The following NUP133 variants were observed in gnomAD, a reference collection of about 807,000 sequenced individuals.
The protein encoded by NUP133 is nucleoporin 133, also known as nuclear pore complex protein Nup133.
In NUP133, 66 loss-of-function variants were observed where a neutral mutation model predicts 146.2. The observed-to-expected ratio is 0.45, with a 90% CI of 0.37 to 0.55. The LOEUF (loss-of-function observed/expected upper bound fraction) is 0.55. NUP133 is among the 20% of genes least tolerant of loss of function. NUP133 has a pLI of 0.00. For synonymous variants in NUP133, 521 were observed against 498.8 expected, an observed-to-expected ratio of 1.04 and a Z score of -0.59; for missense variants, 1,277 against 1,374.8, an observed-to-expected ratio of 0.93 and a Z score of 1.12.
At chr1:229,462,421 TTG>T (rs1660713283) in intron 19 of NUP133, among the ~76,000 whole-genome samples, 1 of 152,224 alleles carries the variant, frequency 6.6e-6, no homozygotes, top group African/African-American at 2.4e-5. Flanking sequence ...TTTTTATCTT[TTG>T]TGTTTATAGT....
At position 229,440,837 on chromosome 1, in the gene NUP133, C is replaced by T. The variant is rs960426073; in HGVS notation, c.*1067G>A. The T allele has an allele frequency of 6.6e-6, 1 of 152,580 alleles. No individual in the cohort carries two copies. Among genetic ancestry groups the T allele is most frequent in the Admixed American group, 6.5e-5 (1 of 15,332 alleles). 9.5% of individuals were successfully genotyped at this position (152,580 alleles called of 1,614,324 possible). ...TCTTCCAAACATACTCAAGGGCTGGCCTTGCAGCCTGCGGGGGAGACGGCC... is the reference window on the plus strand; with the variant it reads ...TCTTCCAAACATACTCAAGGGCTGGTCTTGCAGCCTGCGGGGGAGACGGCC... On this transcript the variant is annotated 3_prime_UTR_variant, in exon 26 of 26. Coordinates refer to ENST00000261396, the MANE Select transcript of NUP133 (RefSeq NM_018230.3).
Position 229,506,138 on chromosome 1 carries a change from A to C in NUP133, c.203T>G (p.Phe68Cys). ...LSSRGTPTRM[F>C]PHHSITESVN... ...AGACTCAGTTATGGAGTGGTGTGGG[A>C]ACATTCGTGTTGGTGTTCCCCTAAA... Residue 68 changes from phenylalanine (F) to cysteine (C), a missense_variant, in exon 2 of 26, where the codon TTC becomes TGC. Phe to Cys is a radical substitution (Grantham distance 205). Coordinates refer to ENST00000261396, the MANE Select transcript of NUP133 (RefSeq NM_018230.3). 1 of 1,610,368 alleles carries C rather than the reference A, an allele frequency of 6.2e-7. No individual in the cohort carries two copies. Among genetic ancestry groups the C allele is most frequent in the Non-Finnish European group, 8.5e-7 (1 of 1,177,036 alleles).
At position 229,495,987 on chromosome 1, in the gene NUP133, T is replaced by C. The variant is rs11805194; in HGVS notation, c.880A>G (p.Ile294Val). The change falls in exon 7 of 26, where the codon ATC becomes GTC. Residue 294 changes from isoleucine (I) to valine (V), a missense_variant. Physicochemically the swap from Ile to Val is conservative, Grantham distance 29. Coordinates refer to ENST00000261396, the MANE Select transcript of NUP133 (RefSeq NM_018230.3). ...SSFYSLTSSNISKWELDDSSE... is the reference protein window; with the variant it reads ...SSFYSLTSSNVSKWELDDSSE... ...GAATCATCTAATTCCCATTTACTGA[T>C]GTTTGAACTCGTCAGGCTATAAAAG... is the stretch of plus-strand genomic sequence containing the variant. 329,385 of 1,608,752 alleles carry C rather than the reference T, an allele frequency of 0.2. 34,904 individuals carry two copies. Among genetic ancestry groups the C allele is most frequent in the Middle Eastern group, 0.25 (1,527 of 6,038 alleles).
Position 229,495,940 on chromosome 1 carries a change from A to G in NUP133, c.927T>C (p.Ser309=). Residue 309 remains serine, a synonymous_variant, in exon 7 of 26, where the codon AGT becomes AGC. Coordinates refer to ENST00000261396, the MANE Select transcript of NUP133 (RefSeq NM_018230.3). ...LDDSSEKHAY[S]WDINRALKEN... is the part of the protein sequence containing the mutation. ...CCTTCAGGGCTCTATTTATATCCCA[A>G]CTGTATGCATGCTTTTCTGAAGAAT... 6.2e-7 allele frequency: 1 copy of G among 1,611,124 alleles called. No individual in the cohort carries two copies. Among genetic ancestry groups the G allele is most frequent in the Admixed American group, 1.7e-5 (1 of 59,278 alleles).
intron 23 of NUP133, among the ~76,000 whole-genome samples, chr1:229,449,530 G>C (rs1038929946): frequency 1.3e-5 from 2 of 151,360 alleles, no homozygotes; most frequent in African/African-American, 4.9e-5. Flanking sequence ...ACCACGCCCA[G>C]CTAATTTTTT....
At chr1:229,506,798 C>G (rs575128599) in intron 1 of NUP133, among the ~76,000 whole-genome samples, 9 of 134,388 alleles carry the variant, frequency 6.7e-5, no homozygotes, top group African/African-American at 2.5e-4. Flanking sequence ...GCCTGGGCGA[C>G]AGAGAGTGAG....
At chr1:229,493,673 A>C (rs1295376896) in intron 8 of NUP133, among the ~76,000 whole-genome samples, 1 of 152,222 alleles carries the variant, frequency 6.6e-6, no homozygotes, top group African/African-American at 2.4e-5. Context: ...TTTTGAGTAA[A>C]GGTGGAGAGG....
chr1:229,497,262 T>C (rs1055417773), intron 6 of NUP133, among the ~76,000 whole-genome samples: 1 of 152,086 alleles, frequency 6.6e-6, no homozygotes, highest in Admixed American at 6.6e-5. Context: ...TAGTTTGCTA[T>C]AGAAGGAGAG....
rs1211953625 is a variant in NUP133, at chr1:229,500,789, G to A, written c.480C>T (p.Tyr160=). Residue 160 remains tyrosine, a synonymous_variant, in exon 4 of 26, where the codon TAC becomes TAT. Transcript: ENST00000261396. The part of the protein sequence containing the change: ...HWSADLVALS[Y]SSPSGEAHST... ...AATGTGCTTCACCTGAGGGAGAAGAGTAAGAAAGAGCCACTAAGTCGGCAC... is the reference window on the plus strand; with the variant it reads ...AATGTGCTTCACCTGAGGGAGAAGAATAAGAAAGAGCCACTAAGTCGGCAC... 2.5e-6 allele frequency: 4 copies of A among 1,612,984 alleles called. No homozygotes were observed. The African/African-American group carries it at 5.3e-5, about 22-fold the overall frequency.
intron 15 of NUP133, among the ~76,000 whole-genome samples, chr1:229,469,037 A>C (rs1353050570): frequency 6.6e-6 from 1 of 152,238 alleles, no homozygotes. Context: ...ACATTAAGAA[A>C]AAGAGACTTG....
In NUP133 at chr1:229,500,645, T is replaced by A. The variant is rs145604290; in HGVS notation, c.513+111A>T. Reference sequence around the variant, plus strand: ...TCTCTTTGCCAATACCACAATATCTTGATTTCTATAGGTTTATAGTTATAT... The same window carrying A: ...TCTCTTTGCCAATACCACAATATCTAGATTTCTATAGGTTTATAGTTATAT... On this transcript the variant is annotated intron_variant, in intron 4 of 25. Coordinates refer to ENST00000261396, the MANE Select transcript of NUP133 (RefSeq NM_018230.3). 2.1e-4 allele frequency: 128 copies of A among 615,846 alleles called. 1 individual carries two copies. Among genetic ancestry groups the A allele is most frequent in the African/African-American group, 1.8e-3 (97 of 54,400 alleles). The allele number at this position is 615,846 out of a possible 1,614,324, so 38.1% of individuals were successfully genotyped here. A position where few individuals can be genotyped will look rare whatever the true frequency, so the allele number is the denominator to read the frequency against.
chr1:229,464,842 A>G lies in NUP133; in HGVS notation c.2333T>C (p.Ile778Thr). The change falls in exon 18 of 26, where the codon ATA (isoleucine) becomes ACA (threonine). Residue 778 changes from isoleucine (I) to threonine (T), a missense_variant. Coordinates refer to ENST00000261396, the MANE Select transcript of NUP133 (RefSeq NM_018230.3). ...CAGGACAATCTCATGCTGGCGTATT[A>G]TTACCGTTCGGATGCCACCAGGACC... ...TSGPGGIRTVIIRQHEIVLKV... is the reference protein window; with the variant it reads ...TSGPGGIRTVTIRQHEIVLKV... 6.2e-7 allele frequency: 1 copy of G among 1,614,182 alleles called. No homozygotes were observed. The highest frequency in any genetic ancestry group is 8.5e-7 in the Non-Finnish European group (1 of 1,180,030).
rs1469257956 is a variant in NUP133 at position 229,477,829 on chromosome 1, T to A, written c.1593-69A>T. 3.2e-6 allele frequency: 4 copies of A among 1,239,146 alleles called. No homozygotes were observed. The Admixed American group carries it at 8.8e-5, about 27-fold the overall frequency. 76.8% of individuals were successfully genotyped at this position (1,239,146 alleles called of 1,614,324 possible). A position where few individuals can be genotyped will look rare whatever the true frequency, so the allele number is the denominator to read the frequency against. ...ATTTTCAAAACTCACCAAGAAAAAA[T>A]TAATTATGGACTACTATTCAGCCAA... On this transcript the variant is annotated intron_variant, in intron 12 of 25. Coordinates refer to ENST00000261396, the MANE Select transcript of NUP133 (RefSeq NM_018230.3).
At chr1:229,488,650 TAAACA>T (rs1394672836) in intron 9 of NUP133, among the ~76,000 whole-genome samples, 2 of 149,952 alleles carry the variant, frequency 1.3e-5, no homozygotes, top group Non-Finnish European at 3.0e-5. Context: ...AGGATTCAAT[TAAACA>T]AGTCATGTTA....
chr1:229,442,032 G>A lies in NUP133; in HGVS notation c.3343C>T (p.Leu1115Phe), dbSNP rs751790424. ...TTCACCTCCGGTAAGTACTCACTGA[G>A]CTGAATGCCTATAAACACAAACACA... ...LQKLLKDGIQLSEYLPEVKDL... is the reference protein window; with the variant it reads ...LQKLLKDGIQFSEYLPEVKDL... Residue 1115 changes from leucine (L) to phenylalanine (F), a missense_variant, in exon 26 of 26, where the codon CTC becomes TTC. By Grantham distance (22) the Leu-to-Phe change is conservative. This residue lies in a region of NUP133 where 952 missense variants were observed against 1,047.0 expected (regional missense o/e 0.91). Coordinates refer to ENST00000261396, the MANE Select transcript of NUP133 (RefSeq NM_018230.3). 5 of 1,563,868 alleles carry A rather than the reference G, an allele frequency of 3.2e-6. No homozygotes were observed. Among genetic ancestry groups the A allele is most frequent in the Non-Finnish European group, 4.3e-6 (5 of 1,164,310 alleles).
At chr1:229,460,337 A>G (rs1287000824) in intron 20 of NUP133, among the ~76,000 whole-genome samples, 1 of 152,146 alleles carries the variant, frequency 6.6e-6, no homozygotes, top group Non-Finnish European at 1.5e-5. Context: ...CTGGGACTAC[A>G]GGTGTGTGTC....
In NUP133 at chr1:229,468,438, C is replaced by T. The variant is rs76195008; in HGVS notation, c.2077-1682G>A. On this transcript the variant is annotated intron_variant, in intron 15 of 25. Transcript: ENST00000261396. ...ACACCCCAGAGAAGCTAAAGACCAA[C>T]GAACATCATGAGAAATGAAGATAAA... 3.3e-3 allele frequency among the ~76,000 whole-genome samples: 505 copies of T among 152,188 alleles called. 3 individuals are homozygous for T. Among genetic ancestry groups the T allele is most frequent in the African/African-American group, 0.011 (469 of 41,534 alleles).
At chr1:229,486,765 C>G (rs1661360924) in intron 10 of NUP133, among the ~76,000 whole-genome samples, 1 of 152,118 alleles carries the variant, frequency 6.6e-6, no homozygotes, top group South Asian at 2.1e-4. Flanking sequence ...TAAAAACTAG[C>G]CTTGCCAGAC....
At chr1:229,463,804 T>A in intron 18 of NUP133, 128 bp from the exon 19 acceptor site, 1 of 1,034,236 alleles carries the variant, frequency 9.7e-7, no homozygotes, top group Non-Finnish European at 1.4e-6. Flanking sequence ...AATGGAAACC[T>A]TCCCACTTAC....
Sources: gnomAD v4.1 joint callset for allele counts (sites outside exome capture counted in the v4.1 genomes callset) on GRCh38, gnomAD v4.1.1 for gene constraint, gnomAD v4.1.1 regional missense constraint, MANE v1.5 for transcripts, NCBI Gene and HGNC (gene_info 2026-07-23, HGNC 2026-07-21) for gene names.